The following ANKDD1B variants were observed in gnomAD, a reference collection of about 807,000 sequenced individuals.
ANKDD1B encodes ankyrin repeat and death domain containing 1B.
ANKDD1B carries 57 observed loss-of-function variants against 59.7 expected under a neutral mutation model. That is an observed-to-expected ratio of 0.95 (90% confidence interval 0.77 to 1.19). The LOEUF is 1.19. Among genes scored for constraint, ANKDD1B ranks in the 50% most tolerant of loss-of-function variants. The pLI, the probability that ANKDD1B is intolerant of heterozygous loss-of-function variation, is 0.00. For missense variants in ANKDD1B, 602 were observed against 641.9 expected (o/e 0.94, Z 0.67); for synonymous variants, 216 against 239.5 (o/e 0.90, Z 0.91).
chr5:75,671,161 CTAACAGATGAAAGAAGAG>C lies in ANKDD1B; in HGVS notation c.*125_*142del, dbSNP rs1369653872. 4.8e-6 allele frequency: 2 copies of C among 419,034 alleles called. No individual in the cohort carries two copies. The highest frequency in any genetic ancestry group is 8.1e-6 in the Non-Finnish European group (2 of 247,284). The allele number at this position is 419,034 out of a possible 1,614,324, so 26.0% of individuals were successfully genotyped here. A position where few individuals can be genotyped will look rare whatever the true frequency, so the allele number is the denominator to read the frequency against. On this transcript the variant is annotated 3_prime_UTR_variant, in exon 14 of 14. Coordinates refer to ENST00000601380, the MANE Select transcript of ANKDD1B (RefSeq NM_001276713.2). ...ATGATGATGGTGGTGACAGGGAACT[CTAACAGATGAAAGAAGAG>C]TAATACCATGATACTTTTCAACCAC... is the stretch of plus-strand genomic sequence containing the variant.
chr5:75,648,653 C>T (rs1774728596), intron 7 of ANKDD1B, among the ~76,000 whole-genome samples: 1 of 152,072 alleles, frequency 6.6e-6, no homozygotes, highest in African/African-American at 2.4e-5. Flanking sequence ...TAGAATTTTT[C>T]CCGAGTTCAT....
intron 5 of ANKDD1B, among the ~76,000 whole-genome samples, chr5:75,633,751 T>A (rs1010841154): frequency 2.0e-5 from 3 of 152,222 alleles, no homozygotes; most frequent in Admixed American, 1.3e-4. Context: ...CTCACCAGAA[T>A]GCATGTTGAA....
At chr5:75,649,184 C>CTTT (rs35027297) in intron 7 of ANKDD1B, among the ~76,000 whole-genome samples, 2 of 125,940 alleles carry the variant, frequency 1.6e-5, no homozygotes, top group African/African-American at 2.9e-5. Context: ...TTCCTCTTTA[C>CTTT]TTTTTTTTTT....
rs1275417476 is a variant in ANKDD1B, at chr5:75,669,241, G to A, written c.1394-11G>A. 26 of 1,231,954 alleles carry A rather than the reference G, an allele frequency of 2.1e-5. No homozygotes were observed. Among genetic ancestry groups the A allele is most frequent in the Non-Finnish European group, 2.4e-5 (24 of 987,922 alleles). 76.3% of individuals were successfully genotyped at this position (1,231,954 alleles called of 1,614,324 possible). A position where few individuals can be genotyped will look rare whatever the true frequency, so the allele number is the denominator to read the frequency against. Reference sequence around the variant, plus strand: ...TGGTGTTTTACCTCGGACCTCTTGTGCTTGGCACAGGAAATGAAAGCTTCC... The same window carrying A: ...TGGTGTTTTACCTCGGACCTCTTGTACTTGGCACAGGAAATGAAAGCTTCC... On this transcript the variant is annotated splice_polypyrimidine_tract_variant and intron_variant, in intron 12 of 13. Transcript: ENST00000601380.
At chr5:75,665,233 G>T (rs1579980684) in intron 11 of ANKDD1B, among the ~76,000 whole-genome samples, 1 of 152,178 alleles carries the variant, frequency 6.6e-6, no homozygotes, top group African/African-American at 2.4e-5. Flanking sequence ...TGCTGAAAAA[G>T]ACCTAGGCTT....
intron 9 of ANKDD1B, among the ~76,000 whole-genome samples, chr5:75,658,317 G>A (rs368855082): frequency 1.3e-5 from 2 of 152,224 alleles, no homozygotes; most frequent in Non-Finnish European, 1.5e-5. Context: ...AGCTCTGTGA[G>A]TCTGGGGTAG....
intron 10 of ANKDD1B, among the ~76,000 whole-genome samples, chr5:75,660,035 TATAAAC>T (rs1179536110): frequency 1.3e-5 from 2 of 152,234 alleles, no homozygotes; most frequent in African/African-American, 4.8e-5. Context: ...GTTTTGCTCT[TATAAAC>T]ATAGCTGCAA....
intron 1 of ANKDD1B, among the ~76,000 whole-genome samples, chr5:75,615,396 G>A (rs1210536890): frequency 1.3e-5 from 2 of 152,118 alleles, no homozygotes; most frequent in African/African-American, 2.4e-5. Flanking sequence ...TGAGGAGGTT[G>A]AAGTCACCTA....
At chr5:75,669,437 C>T in intron 13 of ANKDD1B, 54 bp downstream of exon 13, 1 of 1,226,182 alleles carries the variant, frequency 8.2e-7, no homozygotes, top group East Asian at 3.2e-5. Context: ...TTTCAGGAAG[C>T]AGTCTACAGA....
intron 9 of ANKDD1B, among the ~76,000 whole-genome samples, chr5:75,657,679 C>T (rs253391): frequency 0.57 from 86,647 of 151,714 alleles, 25,717 homozygotes; most frequent in Middle Eastern, 0.69. Flanking sequence ...GAGGCTGAGG[C>T]GGGCGGATCA....
intron 7 of ANKDD1B, among the ~76,000 whole-genome samples, chr5:75,636,259 G>A (rs1031198598): frequency 6.6e-6 from 1 of 152,200 alleles, no homozygotes; most frequent in African/African-American, 2.4e-5. Flanking sequence ...AGAAATTACA[G>A]TTTTCACAGA....
intron 11 of ANKDD1B, 30 bp from the exon 12 acceptor site, chr5:75,666,762 A>C: frequency 6.8e-7 from 1 of 1,462,844 alleles, no homozygotes; most frequent in Non-Finnish European, 9.3e-7. Flanking sequence ...ACATGTCTGA[A>C]ATCTTCTGAT....
At chr5:75,626,458 T>A (rs956340462) in intron 5 of ANKDD1B, among the ~76,000 whole-genome samples, 3 of 152,226 alleles carry the variant, frequency 2.0e-5, no homozygotes, top group African/African-American at 7.2e-5. Context: ...GCTATTTACA[T>A]ACATTATTTC....
chr5:75,618,312 C>G (rs1440517659), intron 2 of ANKDD1B, among the ~76,000 whole-genome samples: 1 of 152,088 alleles, frequency 6.6e-6, no homozygotes, highest in Non-Finnish European at 1.5e-5. Context: ...AATCACTTTT[C>G]CAAGTAGCAG....
At chr5:75,612,335 G>GC (rs1554066249) in intron 1 of ANKDD1B, among the ~76,000 whole-genome samples, 5 of 30,978 alleles carry the variant, frequency 1.6e-4, no homozygotes, top group African/African-American at 6.5e-4. Flanking sequence ...CCCGCCCTCC[G>GC]CCCCGCCCCC....
In ANKDD1B at chr5:75,611,812, GC is replaced by G; in HGVS notation, c.180del (p.Gly61AspfsTer37). The G allele has an allele frequency of 4.9e-6, 6 of 1,231,978 alleles. No homozygotes were observed. Among genetic ancestry groups the G allele is most frequent in the Non-Finnish European group, 6.1e-6 (6 of 988,134 alleles). The allele number at this position is 1,231,978 out of a possible 1,614,324, so 76.3% of individuals were successfully genotyped here. On this transcript the variant is annotated frameshift_variant, in exon 1 of 14. Transcript: ENST00000601380. LOFTEE classifies it high-confidence loss of function. ...TCTTGGAGAGGAGGACACAGCAGTT[GC>G]CGGACACGAGCTCCGTGAGTCCCGG... ...EGLGEEDTAV[A>X]GHELLLPNER...
intron 10 of ANKDD1B, 102 bp downstream of exon 10, chr5:75,659,483 G>T (rs921218100): frequency 4.8e-6 from 4 of 835,068 alleles, no homozygotes; most frequent in Non-Finnish European, 7.8e-6. Flanking sequence ...TTTGTGAAAT[G>T]GGCACAAACT....
At chr5:75,616,077 G>A (rs576574370) in intron 1 of ANKDD1B, among the ~76,000 whole-genome samples, 1 of 152,244 alleles carries the variant, frequency 6.6e-6, no homozygotes, top group Admixed American at 6.5e-5. Context: ...TCTGTTTGGA[G>A]ATGGTATGTT....
chr5:75,626,001 AT>A (rs1394508807), intron 5 of ANKDD1B, 46 bp downstream of exon 5: 6 of 1,358,814 alleles, frequency 4.4e-6, no homozygotes, highest in Non-Finnish European at 6.1e-6. Context: ...CCCCTATCAA[AT>A]TTCACTTTCT....
Sources: allele counts gnomAD v4.1 joint callset (sites outside exome capture counted in the v4.1 genomes callset), GRCh38; gene constraint gnomAD v4.1.1; transcripts MANE v1.5; gene names NCBI Gene and HGNC (gene_info 2026-07-23, HGNC 2026-07-21).